The following SHC3 variants were observed in gnomAD, a reference collection of about 807,000 sequenced individuals.
The protein encoded by SHC3 is SHC-transforming protein 3.
A neutral mutation model predicts 60.4 loss-of-function variants in SHC3; 15 were observed. The ratio of observed to expected loss-of-function variants is 0.25; its 90% CI spans 0.17 to 0.38. The LOEUF is 0.38. Ranked by LOEUF, SHC3 falls within the 10% of genes least tolerant of loss-of-function variation. The pLI is 1.00. For missense variants in SHC3, 677 were observed against 786.1 expected (o/e 0.86, Z 1.66); for synonymous variants, 294 against 325.9 (o/e 0.90, Z 1.05).
intron 1 of SHC3, among the ~76,000 whole-genome samples, chr9:89,154,053 G>A (rs562068537): frequency 9.4e-4 from 143 of 152,282 alleles, no homozygotes; most frequent in African/African-American, 3.3e-3. Context: ...CAAGAGAAGT[G>A]GAGGGCTTAA....
chr9:89,065,324 C>T (rs945168121), intron 6 of SHC3, among the ~76,000 whole-genome samples: 1 of 152,152 alleles, frequency 6.6e-6, no homozygotes, highest in Non-Finnish European at 1.5e-5. Flanking sequence ...TGGATACAAG[C>T]GTGTGTTTGG....
chr9:89,110,351 A>G lies in SHC3; in HGVS notation c.545+2205T>C, dbSNP rs1436861678. On this transcript the variant is annotated intron_variant, in intron 2 of 11. Transcript: ENST00000375835. ...TGTGACTGGAGTGCCTTTGGAAACC[A>G]GTTTTCCTGGTGCCTGTATAATATA... The G allele has an allele frequency of 6.1e-6, 6 of 985,068 alleles. No individual in the cohort carries two copies. The East Asian group carries it at 6.8e-4, about 112-fold the overall frequency. 61.0% of individuals were successfully genotyped at this position (985,068 alleles called of 1,614,324 possible). A position where few individuals can be genotyped will look rare whatever the true frequency, so the allele number is the denominator to read the frequency against.
Position 89,149,544 on chromosome 9 carries a change from C to A in SHC3, c.474+28443G>T, listed in dbSNP as rs193236041. 1.4e-3 allele frequency among the ~76,000 whole-genome samples: 208 copies of A among 152,202 alleles called. 1 individual carries two copies. The highest frequency in any genetic ancestry group is 2.3e-3 in the Non-Finnish European group (157 of 68,020). ...GTCGTCTAAAGTCTTTTTTCCTCCC[C>A]TCTTCATCTGGATAACTGCTACCTA... On this transcript the variant is annotated intron_variant, in intron 1 of 11. Transcript: ENST00000375835.
At chr9:89,054,474 T>G (rs1009882751) in intron 6 of SHC3, among the ~76,000 whole-genome samples, 5 of 152,224 alleles carry the variant, frequency 3.3e-5, no homozygotes, top group Admixed American at 2.0e-4. Flanking sequence ...ACCTGGACTT[T>G]GTCTCTCTGG....
intron 1 of SHC3, among the ~76,000 whole-genome samples, chr9:89,161,308 GC>G (rs1826702611): frequency 6.6e-6 from 1 of 152,024 alleles, no homozygotes; most frequent in Non-Finnish European, 1.5e-5. Flanking sequence ...AAGTGTAGGC[GC>G]CCTCCTTCTC....
chr9:89,178,348 C>T lies in SHC3; in HGVS notation c.113G>A (p.Arg38His). 2.5e-6 allele frequency: 4 copies of T among 1,594,536 alleles called. No individual in the cohort carries two copies. The highest frequency in any genetic ancestry group is 3.4e-6 in the Non-Finnish European group (4 of 1,172,356). ...SGGGGKVSAA[R>H]ATPAAAPYLV... is the part of the protein sequence containing the mutation. ...GTAGGGAGCCGCCGCCGGGGTCGCG[C>T]GCGCCGCCGAAACCTTGCCTCCGCC... is the stretch of plus-strand genomic sequence containing the variant. Residue 38 changes from arginine to histidine, a missense_variant, in exon 1 of 12, where the codon CGC becomes CAC. Coordinates refer to ENST00000375835, the MANE Select transcript of SHC3 (RefSeq NM_016848.6). The surrounding 1 kb of genome is among the most constrained non-coding windows in gnomAD (Gnocchi z 6.9).
chr9:89,078,494 C>T (rs991658896), intron 2 of SHC3, among the ~76,000 whole-genome samples: 14 of 152,046 alleles, frequency 9.2e-5, no homozygotes, highest in Non-Finnish European at 1.9e-4. Context: ...AGGGCAGTTC[C>T]ATGGAACCGC....
chr9:89,154,245 T>C lies in SHC3; in HGVS notation c.474+23742A>G, dbSNP rs962788224. 3.9e-5 allele frequency among the ~76,000 whole-genome samples: 6 copies of C among 152,098 alleles called. No homozygotes were observed. In the South Asian group the frequency reaches 8.3e-4, roughly 21 times the overall value. On this transcript the variant is annotated intron_variant, in intron 1 of 11. Transcript: ENST00000375835. Reference sequence around the variant, plus strand: ...TCATCAGCTATCATTAGTGTTAATGTATTTTATGTGTGGTCCAAGACAATT... The same window carrying C: ...TCATCAGCTATCATTAGTGTTAATGCATTTTATGTGTGGTCCAAGACAATT...
At chr9:89,017,756 A>C (rs1476715589) in intron 11 of SHC3, among the ~76,000 whole-genome samples, 1 of 152,228 alleles carries the variant, frequency 6.6e-6, no homozygotes, top group Non-Finnish European at 1.5e-5. Flanking sequence ...CATCTGACAA[A>C]GGGCTAATAT....
intron 10 of SHC3, among the ~76,000 whole-genome samples, chr9:89,041,682 A>G (rs1485146156): frequency 6.6e-6 from 1 of 152,252 alleles, no homozygotes; most frequent in Non-Finnish European, 1.5e-5. Flanking sequence ...TCATCTTTGC[A>G]TCCTTAGCAA....
chr9:89,057,806 AG>A (rs1485237657), intron 6 of SHC3, among the ~76,000 whole-genome samples: 2 of 152,172 alleles, frequency 1.3e-5, no homozygotes, highest in East Asian at 1.9e-4. Context: ...TCCCCGCAAA[AG>A]TCATGCCCCC....
At chr9:89,054,476 T>C (rs1313025290) in intron 6 of SHC3, among the ~76,000 whole-genome samples, 1 of 152,214 alleles carries the variant, frequency 6.6e-6, no homozygotes, top group Non-Finnish European at 1.5e-5. Flanking sequence ...CTGGACTTTG[T>C]CTCTCTGGGC....
intron 1 of SHC3, among the ~76,000 whole-genome samples, chr9:89,143,141 GGGT>G (rs1457373359): frequency 3.9e-5 from 6 of 152,202 alleles, no homozygotes; most frequent in Non-Finnish European, 7.3e-5. Context: ...CAGCCCCAAA[GGGT>G]GCTGGTTGCC....
At chr9:89,162,563 C>T (rs1449218628) in intron 1 of SHC3, among the ~76,000 whole-genome samples, 3 of 152,158 alleles carry the variant, frequency 2.0e-5, no homozygotes, top group Non-Finnish European at 2.9e-5. Flanking sequence ...AAACTGGATC[C>T]CTTCCTTACG....
At chr9:89,071,706 T>G (rs986172820) in intron 4 of SHC3, among the ~76,000 whole-genome samples, 1 of 150,824 alleles carries the variant, frequency 6.6e-6, no homozygotes, top group African/African-American at 2.4e-5. Context: ...GCCTAATTAA[T>G]GAAGATGGCA....
chr9:89,043,652 ATT>A (rs112865716), intron 9 of SHC3, among the ~76,000 whole-genome samples: 4 of 147,218 alleles, frequency 2.7e-5, no homozygotes, highest in Admixed American at 6.8e-5. Flanking sequence ...ATATTTATTT[ATT>A]TTTTTTTTTT....
At chr9:89,136,989 G>A (rs879712452) in intron 1 of SHC3, among the ~76,000 whole-genome samples, 3 of 152,120 alleles carry the variant, frequency 2.0e-5, no homozygotes, top group Non-Finnish European at 4.4e-5. Flanking sequence ...AGGGTACAGG[G>A]GAAGCAGGCA....
chr9:89,043,951 G>T (rs1046117196), intron 9 of SHC3, among the ~76,000 whole-genome samples: 3 of 152,202 alleles, frequency 2.0e-5, no homozygotes, highest in Admixed American at 1.3e-4. Context: ...ACCATGCCCT[G>T]CCTATTTATT....
At chr9:89,069,922 C>T (rs1441766994) in intron 5 of SHC3, among the ~76,000 whole-genome samples, 1 of 152,154 alleles carries the variant, frequency 6.6e-6, no homozygotes. Context: ...ATCCAGTTTC[C>T]AAGGTAGAAG....
Sources: allele counts gnomAD v4.1 joint callset (sites outside exome capture counted in the v4.1 genomes callset), GRCh38; gene constraint gnomAD v4.1.1; non-coding constraint Gnocchi (gnomAD v3.1); transcripts MANE v1.5; gene names NCBI Gene and HGNC (gene_info 2026-07-23, HGNC 2026-07-21).